The following SRR variants were observed in gnomAD, a reference collection of about 807,000 sequenced individuals.
SRR encodes the protein D-serine ammonia-lyase.
In SRR, 19 loss-of-function variants were observed where a neutral mutation model predicts 32.7. The observed-to-expected ratio is 0.58, with a 90% CI of 0.40 to 0.85. The LOEUF is 0.85. Among genes scored for constraint, SRR ranks in the 40% least tolerant of loss-of-function variants. SRR has a pLI of 0.00. For missense variants in SRR, 373 were observed against 404.7 expected (o/e 0.92, Z 0.67); for synonymous variants, 142 against 140.9 (o/e 1.01, Z -0.06).
chr17:2,321,390 G>A lies in SRR; in HGVS notation c.484G>A (p.Gly162Arg). Reference protein sequence around the residue: ...HPNQEPAVIAGQGTIALEVLN... With the variant: ...HPNQEPAVIARQGTIALEVLN... ...CAACCAGGAGCCTGCAGTGATAGCTGGACAAGGGACAATTGCCCTGGAAGT... is the reference window on the plus strand; with the variant it reads ...CAACCAGGAGCCTGCAGTGATAGCTAGACAAGGGACAATTGCCCTGGAAGT... Residue 162 changes from glycine to arginine, a missense_variant, in exon 5 of 8, where the codon GGA becomes AGA. Transcript: ENST00000344595. 1 of 1,612,290 alleles carries A rather than the reference G, an allele frequency of 6.2e-7. No individual in the cohort carries two copies. The highest frequency in any genetic ancestry group is 1.1e-5 in the South Asian group (1 of 90,724).
At chr17:2,308,633 T>C (rs1380273047) in intron 1 of SRR, among the ~76,000 whole-genome samples, 1 of 152,012 alleles carries the variant, frequency 6.6e-6, no homozygotes, top group Non-Finnish European at 1.5e-5. Context: ...CCGAGGTGGG[T>C]GGATCACAAG....
Position 2,317,919 on chromosome 17 carries a change from A to G in SRR, c.218A>G (p.Glu73Gly). The change falls in exon 3 of 8, where the codon GAA becomes GGA. Residue 73 changes from glutamate (E) to glycine (G), a missense_variant. Coordinates refer to ENST00000344595, the MANE Select transcript of SRR (RefSeq NM_021947.3). ...AGAAGCTTGGTTCCTGATGCTTTAGAAAGGAAGCCGAAAGCTGTTGTTACT... is the reference window on the plus strand; with the variant it reads ...AGAAGCTTGGTTCCTGATGCTTTAGGAAGGAAGCCGAAAGCTGTTGTTACT... ...AVRSLVPDAL[E>G]RKPKAVVTHS... 3.1e-6 allele frequency: 5 copies of G among 1,613,996 alleles called. No homozygotes were observed. Among genetic ancestry groups the G allele is most frequent in the Non-Finnish European group, 4.2e-6 (5 of 1,179,988 alleles).
intron 1 of SRR, among the ~76,000 whole-genome samples, chr17:2,305,111 C>T (rs1028207926): frequency 2.6e-5 from 4 of 152,134 alleles, no homozygotes; most frequent in Non-Finnish European, 5.9e-5. Flanking sequence ...GAAGGTTAAG[C>T]ATAAGAAGAA....
At chr17:2,318,799 CTT>C (rs747595819) in intron 3 of SRR, 25 bp from the exon 4 acceptor site, 2 of 1,567,882 alleles carry the variant, frequency 1.3e-6, no homozygotes, top group African/African-American at 2.7e-5. Context: ...ATTCTCCTGA[CTT>C]TTTCCTCTCG....
chr17:2,303,886 C>T, upstream of SRR: 4 of 516,824 alleles, frequency 7.7e-6, no homozygotes, highest in South Asian at 1.0e-4. Flanking sequence ...GAAAAGCGCC[C>T]GCCGCCGGTT....
chr17:2,303,668 A>G, upstream of SRR: 1 of 1,493,378 alleles, frequency 6.7e-7, no homozygotes, highest in Non-Finnish European at 8.9e-7. Flanking sequence ...AGTAGCCAGG[A>G]TCCCGCGCAG....
chr17:2,319,963 C>T (rs1488173329), intron 4 of SRR, among the ~76,000 whole-genome samples: 1 of 151,440 alleles, frequency 6.6e-6, no homozygotes, highest in Non-Finnish European at 1.5e-5. Flanking sequence ...GGACTACAGG[C>T]GCCTGCCACC....
chr17:2,322,432 A>C (rs1263455041), intron 6 of SRR: 1 of 152,282 alleles, frequency 6.6e-6, no homozygotes, highest in African/African-American at 2.4e-5. Context: ...AAAGTGCTTG[A>C]AGATATTTTC....
Position 2,323,317 on chromosome 17 carries a change from T to A in SRR, c.776T>A (p.Ile259Asn), listed in dbSNP as rs1291429472. The change falls in exon 7 of 8, where the codon ATC (isoleucine) becomes AAC (asparagine). Residue 259 changes from isoleucine to asparagine, a missense_variant. By Grantham distance (149) the Ile-to-Asn change is moderately radical. Coordinates refer to ENST00000344595, the MANE Select transcript of SRR (RefSeq NM_021947.3). ...WPIIRDLVDD[I>N]FTVTEDEIKC... ...ATTATCAGGGACCTTGTGGATGATA[T>A]CTTCACTGTCACAGAGGATGAAATT... is the stretch of plus-strand genomic sequence containing the variant. 1 of 1,614,036 alleles carries A rather than the reference T, an allele frequency of 6.2e-7. No individual in the cohort carries two copies. Among genetic ancestry groups the A allele is most frequent in the Non-Finnish European group, 8.5e-7 (1 of 1,179,916 alleles).
At chr17:2,306,917 A>G in intron 1 of SRR, 2 of 1,008,650 alleles carry the variant, frequency 2.0e-6, no homozygotes, top group Non-Finnish European at 3.1e-6. Context: ...AACACCAAGC[A>G]CTCCAGGGGC....
intron 1 of SRR, chr17:2,307,526 T>C (rs2075400331): frequency 1.6e-6 from 2 of 1,272,658 alleles, no homozygotes; most frequent in East Asian, 2.3e-5. Flanking sequence ...ATTTTGGAGG[T>C]GGAAGCTACA....
At position 2,318,939 on chromosome 17, in the gene SRR, G is replaced by C; in HGVS notation, c.399+10G>C. 1 of 1,581,204 alleles carries C rather than the reference G, an allele frequency of 6.3e-7. No individual in the cohort carries two copies. The highest frequency in any genetic ancestry group is 8.7e-7 in the Non-Finnish European group (1 of 1,150,356). On this transcript the variant is annotated intron_variant, in intron 4 of 7. Coordinates refer to ENST00000344595, the MANE Select transcript of SRR (RefSeq NM_021947.3). Reference sequence around the variant, plus strand: ...TGAACCTAGTGATGAGGTAAGGAGAGCAGTGCTTGGTACCACCTTAACAGC... The same window carrying C: ...TGAACCTAGTGATGAGGTAAGGAGACCAGTGCTTGGTACCACCTTAACAGC...
In SRR at chr17:2,324,778, C is replaced by A. The variant is rs201864213; in HGVS notation, c.*905C>A. ...CAGAACAACTCTCTTGATGACCATT[C>A]TGTCTGGATCTACTGACATAAGATG... On this transcript the variant is annotated 3_prime_UTR_variant, in exon 8 of 8. Transcript: ENST00000344595. The A allele has an allele frequency of 6.2e-7, 1 of 1,614,164 alleles. No homozygotes were observed. The highest frequency in any genetic ancestry group is 1.7e-5 in the Admixed American group (1 of 60,024).
chr17:2,304,660 C>T (rs1390772188), intron 1 of SRR, among the ~76,000 whole-genome samples: 1 of 151,696 alleles, frequency 6.6e-6, no homozygotes. Flanking sequence ...AACGCTGAGA[C>T]GGGCGGATCG....
At chr17:2,310,364 C>T (rs1010754958) in intron 1 of SRR, among the ~76,000 whole-genome samples, 12 of 152,082 alleles carry the variant, frequency 7.9e-5, no homozygotes, top group Admixed American at 5.9e-4. Context: ...CTACAGGCGC[C>T]TGCCACCTGC....
chr17:2,318,794 CCT>C (rs751816604), intron 3 of SRR, 30 bp from the exon 4 acceptor site: 31 of 1,544,780 alleles, frequency 2.0e-5, no homozygotes, highest in Non-Finnish European at 2.7e-5. Context: ...TCTAAATTCT[CCT>C]GACTTTTTCC....
chr17:2,313,249 G>A (rs1161761804), intron 1 of SRR, among the ~76,000 whole-genome samples: 1 of 152,006 alleles, frequency 6.6e-6, no homozygotes, highest in Non-Finnish European at 1.5e-5. Context: ...GGCCAACATG[G>A]TGAAACCCTG....
At position 2,324,733 on chromosome 17, in the gene SRR, A is replaced by G. The variant is rs774317397; in HGVS notation, c.*860A>G. The G allele has an allele frequency of 6.8e-6, 11 of 1,614,090 alleles. No homozygotes were observed. The African/African-American group carries it at 1.3e-4, about 20-fold the overall frequency. On this transcript the variant is annotated 3_prime_UTR_variant, in exon 8 of 8. Transcript: ENST00000344595. ...ACGTACTACTGCCATCTTAGTAAAA[A>G]TTTTGAAAGGATGACCACTCAGAAC...
intron 1 of SRR, among the ~76,000 whole-genome samples, chr17:2,310,946 C>T (rs1166063620): frequency 1.3e-5 from 2 of 151,796 alleles, no homozygotes; most frequent in Non-Finnish European, 2.9e-5. Context: ...CAGGGTTTCA[C>T]CATGTTAGCC....
Sources: gnomAD v4.1 joint callset for allele counts (sites outside exome capture counted in the v4.1 genomes callset) on GRCh38, gnomAD v4.1.1 for gene constraint, MANE v1.5 for transcripts, NCBI Gene and HGNC (gene_info 2026-07-23, HGNC 2026-07-21) for gene names.